CFAP57: variants seen among roughly 807,000 people sequenced by gnomAD.
The protein encoded by CFAP57 is cilia and flagella associated protein 57.
In CFAP57, 116 loss-of-function variants were observed where a neutral mutation model predicts 146.8. The observed-to-expected ratio is 0.79, with a 90% CI of 0.68 to 0.92. The LOEUF (loss-of-function observed/expected upper bound fraction) is 0.92, where lower values mean the gene tolerates loss of function less well. CFAP57 is among the 40% of genes least tolerant of loss of function. The pLI is 0.00. For synonymous variants in CFAP57, 518 were observed against 552.8 expected (o/e 0.94, Z 0.88); for missense variants, 1,377 against 1,527.2 (o/e 0.90, Z 1.64).
chr1:43,192,965 C>T (rs1225325745), intron 6 of CFAP57, among the ~76,000 whole-genome samples: 2 of 152,044 alleles, frequency 1.3e-5, no homozygotes, highest in Non-Finnish European at 2.9e-5. Context: ...TGGTATATTG[C>T]AATCTTCAAC....
intron 12 of CFAP57, among the ~76,000 whole-genome samples, 191 bp downstream of exon 12, chr1:43,215,607 CCTGT>C (rs907211657): frequency 3.9e-5 from 6 of 152,320 alleles, no homozygotes; most frequent in African/African-American, 1.2e-4. Flanking sequence ...CCCGACTCTG[CCTGT>C]CTTTCTGCCA....
In CFAP57 at chr1:43,232,492, C is replaced by G; in HGVS notation, c.3010-16C>G. 1 of 1,544,186 alleles carries G rather than the reference C, an allele frequency of 6.5e-7. No homozygotes were observed. Among genetic ancestry groups the G allele is most frequent in the South Asian group, 1.2e-5 (1 of 83,878 alleles). ...TAACTTTCTTCTTCTTGACTCTTTT[C>G]CCTTGTTGTCTACAGATGGAAGCTG... On this transcript the variant is annotated splice_polypyrimidine_tract_variant and intron_variant, in intron 18 of 22. Transcript: ENST00000372492.
At position 43,209,936 on chromosome 1, in the gene CFAP57, C is replaced by T; in HGVS notation, c.1929+20C>T. The T allele has an allele frequency of 6.2e-7, 1 of 1,614,180 alleles. No individual in the cohort carries two copies. Among genetic ancestry groups the T allele is most frequent in the Non-Finnish European group, 8.5e-7 (1 of 1,179,974 alleles). ...ACCAAGGTGAGCAGGGCCCTCTCCC[C>T]AGGAACCCAGTCCCACACCTGCCTG... On this transcript the variant is annotated intron_variant, in intron 11 of 22. Coordinates refer to ENST00000372492, the MANE Select transcript of CFAP57 (RefSeq NM_001378189.1).
intron 12 of CFAP57, 58 bp downstream of exon 12, chr1:43,215,474 T>C: frequency 6.6e-7 from 1 of 1,521,528 alleles, no homozygotes; most frequent in South Asian, 1.3e-5. Flanking sequence ...TGCATTCAGA[T>C]GCAGGTCCAG....
intron 18 of CFAP57, chr1:43,232,011 T>C (rs763272390): frequency 3.1e-5 from 21 of 675,210 alleles, no homozygotes; most frequent in Non-Finnish European, 4.9e-5. Flanking sequence ...TTTCCTGTTT[T>C]ATGCCTTAGA....
intron 18 of CFAP57, among the ~76,000 whole-genome samples, chr1:43,227,787 A>G (rs1645309450): frequency 6.6e-6 from 1 of 152,092 alleles, no homozygotes; most frequent in Non-Finnish European, 1.5e-5. Flanking sequence ...AGTGGCGTCC[A>G]TGTTGATCTA....
chr1:43,234,679 A>T (rs1388751886), intron 21 of CFAP57, 41 bp downstream of exon 21: 1 of 1,523,036 alleles, frequency 6.6e-7, no homozygotes. Flanking sequence ...AGGCCAAGCC[A>T]TCCAAGATGA....
intron 18 of CFAP57, among the ~76,000 whole-genome samples, chr1:43,227,514 G>A (rs1293806145): frequency 6.6e-6 from 1 of 152,210 alleles, no homozygotes; most frequent in East Asian, 1.9e-4. Context: ...GGAAATGTTG[G>A]TTGAGACCCC....
chr1:43,212,180 G>T (rs912214497), intron 11 of CFAP57, among the ~76,000 whole-genome samples: 1 of 152,118 alleles, frequency 6.6e-6, no homozygotes, highest in Non-Finnish European at 1.5e-5. Context: ...AGTGTATGTA[G>T]TTCTGAATTA....
intron 6 of CFAP57, among the ~76,000 whole-genome samples, chr1:43,196,963 C>T (rs1363844757): frequency 1.3e-5 from 2 of 152,110 alleles, no homozygotes; most frequent in Admixed American, 6.5e-5. Context: ...AAATTGGAAG[C>T]CACTTAAATG....
intron 10 of CFAP57, among the ~76,000 whole-genome samples, chr1:43,208,962 C>G (rs888844563): frequency 2.0e-5 from 3 of 152,166 alleles, no homozygotes; most frequent in African/African-American, 4.8e-5. Context: ...GAGTACCATA[C>G]TGTGAGTAAG....
At chr1:43,173,701 T>C (rs1557717163) in intron 2 of CFAP57, among the ~76,000 whole-genome samples, 4 of 152,242 alleles carry the variant, frequency 2.6e-5, no homozygotes, top group Non-Finnish European at 2.9e-5. Flanking sequence ...CAAATATATG[T>C]ATTCACTCTA....
Position 43,206,710 on chromosome 1 carries a change from T to G in CFAP57, c.1543-10T>G. 1 of 1,607,688 alleles carries G rather than the reference T, an allele frequency of 6.2e-7. No individual in the cohort carries two copies. The highest frequency in any genetic ancestry group is 8.5e-7 in the Non-Finnish European group (1 of 1,179,924). ...ACACTCTTCACTGGATATGTCTTCC[T>G]CTCCTGCAGATTCGCTCAATTGTGT... On this transcript the variant is annotated splice_polypyrimidine_tract_variant and intron_variant, in intron 9 of 22. Coordinates refer to ENST00000372492, the MANE Select transcript of CFAP57 (RefSeq NM_001378189.1).
At chr1:43,242,097 C>A (rs548541341) in intron 21 of CFAP57, among the ~76,000 whole-genome samples, 2 of 152,306 alleles carry the variant, frequency 1.3e-5, no homozygotes, top group South Asian at 2.1e-4. Flanking sequence ...AGGTCTCCCC[C>A]ACCCCCATCA....
At chr1:43,210,009 CCTT>C (rs752406674) in intron 11 of CFAP57, 93 bp downstream of exon 11, 55 of 1,613,228 alleles carry the variant, frequency 3.4e-5, no homozygotes, top group African/African-American at 9.3e-5. Context: ...TTTTCTCTCT[CCTT>C]CTTCTCTCTT....
chr1:43,175,579 T>C lies in CFAP57; in HGVS notation c.157+2669T>C, dbSNP rs141901067. 3.5e-3 allele frequency among the ~76,000 whole-genome samples: 536 copies of C among 152,112 alleles called. 3 individuals carry two copies. Among genetic ancestry groups the C allele is most frequent in the Non-Finnish European group, 5.2e-3 (354 of 68,006 alleles). On this transcript the variant is annotated intron_variant, in intron 2 of 22. Coordinates refer to ENST00000372492, the MANE Select transcript of CFAP57 (RefSeq NM_001378189.1). Reference sequence around the variant, plus strand: ...AGGCTGGAGTGCACTGGCACAATCATAGCTCACAGCAGTCTCAAACTCCTG... The same window carrying C: ...AGGCTGGAGTGCACTGGCACAATCACAGCTCACAGCAGTCTCAAACTCCTG...
intron 2 of CFAP57, among the ~76,000 whole-genome samples, chr1:43,180,238 T>TATATATATATATATATATATAA (rs1363991276): frequency 7.3e-6 from 1 of 137,814 alleles, no homozygotes; most frequent in African/African-American, 2.6e-5. Context: ...TATATATATA[T>TATATATATATATATATATATAA]AAAATATATA....
At chr1:43,211,389 CA>C (rs1046868348) in intron 11 of CFAP57, 9 of 152,148 alleles carry the variant, frequency 5.9e-5, no homozygotes, top group Admixed American at 4.6e-4. Flanking sequence ...TCCTGGCTAA[CA>C]CGGTGAAACC....
chr1:43,234,269 C>G lies in CFAP57; in HGVS notation c.3127-10C>G, dbSNP rs1557819424. 6.5e-7 allele frequency: 1 copy of G among 1,542,284 alleles called. No homozygotes were observed. Among genetic ancestry groups the G allele is most frequent in the East Asian group, 2.5e-5 (1 of 40,778 alleles). On this transcript the variant is annotated splice_polypyrimidine_tract_variant and intron_variant, in intron 19 of 22. Coordinates refer to ENST00000372492, the MANE Select transcript of CFAP57 (RefSeq NM_001378189.1). ...CCTACAGCACCAGAAGGAAACGTCT[C>G]TGATTGCAGGAGCGAGACTTGGAAG...
Sources: allele counts gnomAD v4.1 joint callset (sites outside exome capture counted in the v4.1 genomes callset), GRCh38; gene constraint gnomAD v4.1.1; transcripts MANE v1.5; gene names NCBI Gene and HGNC (gene_info 2026-07-23, HGNC 2026-07-21).